GALNT2: variants seen among roughly 807,000 people sequenced by gnomAD.
GALNT2 encodes polypeptide N-acetylgalactosaminyltransferase 2, also known as UDP-GalNAc:polypeptide N-acetylgalactosaminyltransferase 2.
Under a neutral mutation model 81.4 loss-of-function variants are expected in GALNT2, and 31 were observed. The ratio of observed to expected loss-of-function variants is 0.38; its 90% CI spans 0.29 to 0.51. The LOEUF (loss-of-function observed/expected upper bound fraction) is 0.51, where lower values mean the gene tolerates loss of function less well. GALNT2 is among the 20% of genes least tolerant of loss of function. The probability of loss-of-function intolerance (pLI) is 0.87; values close to 1 mark genes in which losing one functional copy is unlikely to be tolerated. For synonymous variants in GALNT2, 303 were observed against 287.4 expected (o/e 1.05, Z -0.55); for missense variants, 629 against 765.7 (o/e 0.82, Z 2.11).
chr1:230,126,912 T>TA (rs1024865206), intron 1 of GALNT2, among the ~76,000 whole-genome samples: 2 of 152,200 alleles, frequency 1.3e-5, no homozygotes, highest in African/African-American at 4.8e-5. Context: ...GAAAAGGATT[T>TA]ATGGGGCTGA....
chr1:230,125,462 A>G (rs550046875), intron 1 of GALNT2, among the ~76,000 whole-genome samples: 2 of 152,392 alleles, frequency 1.3e-5, no homozygotes, highest in South Asian at 4.1e-4. Context: ...AGAGTGAATA[A>G]GGAGAGATGA....
At chr1:230,091,925 G>A (rs1660096236) in intron 1 of GALNT2, 1 of 152,230 alleles carries the variant, frequency 6.6e-6, no homozygotes, top group Non-Finnish European at 1.5e-5. Flanking sequence ...GCTGCTTCCT[G>A]TCGTTGCTAC....
chr1:230,182,648 G>C (rs1012453801), intron 2 of GALNT2, among the ~76,000 whole-genome samples: 1 of 152,194 alleles, frequency 6.6e-6, no homozygotes, highest in Non-Finnish European at 1.5e-5. Context: ...TTGTGGCCCA[G>C]AATGTGGCCT....
chr1:230,179,964 A>G (rs1158726508), intron 2 of GALNT2, among the ~76,000 whole-genome samples: 1 of 152,188 alleles, frequency 6.6e-6, no homozygotes, highest in African/African-American at 2.4e-5. Flanking sequence ...CTGTTGCCCA[A>G]GCTGGAGTGC....
chr1:230,101,894 G>C (rs996696105), intron 1 of GALNT2, among the ~76,000 whole-genome samples: 7 of 152,282 alleles, frequency 4.6e-5, no homozygotes, highest in South Asian at 4.1e-4. Context: ...ATTTAGTGGG[G>C]GCAGTTTCCT....
At chr1:230,078,136 T>C (rs947681826) in intron 1 of GALNT2, among the ~76,000 whole-genome samples, 19 of 152,346 alleles carry the variant, frequency 1.2e-4, no homozygotes, top group Middle Eastern at 3.4e-3. Flanking sequence ...CTTTTTCTCG[T>C]GTGTCACATT....
chr1:230,226,674 G>A (rs190319424), intron 3 of GALNT2, among the ~76,000 whole-genome samples: 251 of 152,278 alleles, frequency 1.6e-3, no homozygotes, highest in Admixed American at 5.5e-3. Context: ...CAGGGGCCTC[G>A]CCACTCTCTC....
intron 2 of GALNT2, among the ~76,000 whole-genome samples, chr1:230,182,045 G>C (rs1270966348): frequency 2.0e-5 from 3 of 152,098 alleles, no homozygotes; most frequent in Non-Finnish European, 2.9e-5. Context: ...ATACTATTCC[G>C]TATTGTCCTT....
chr1:230,219,313 A>C (rs1350480993), intron 3 of GALNT2, among the ~76,000 whole-genome samples: 1 of 152,060 alleles, frequency 6.6e-6, no homozygotes, highest in Non-Finnish European at 1.5e-5. Flanking sequence ...TGAAGTTGGA[A>C]AATTCCCCGT....
intron 6 of GALNT2, among the ~76,000 whole-genome samples, chr1:230,238,569 G>A (rs1310751706): frequency 6.6e-6 from 1 of 152,156 alleles, no homozygotes; most frequent in African/African-American, 2.4e-5. Context: ...ACAATAGTAG[G>A]ACCAAAACCA....
chr1:230,170,465 CTT>C (rs1489538281), intron 1 of GALNT2, among the ~76,000 whole-genome samples: 7 of 152,180 alleles, frequency 4.6e-5, no homozygotes, highest in Admixed American at 1.3e-4. Context: ...AAACTGATCT[CTT>C]TTATAAATGC....
chr1:230,114,471 T>A (rs180890969), intron 1 of GALNT2, among the ~76,000 whole-genome samples: 1 of 152,352 alleles, frequency 6.6e-6, no homozygotes, highest in Admixed American at 6.5e-5. Flanking sequence ...GTCTGTATGT[T>A]GGAAAGATAT....
chr1:230,125,828 T>C (rs1289567595), intron 1 of GALNT2, among the ~76,000 whole-genome samples: 1 of 152,276 alleles, frequency 6.6e-6, no homozygotes, highest in Non-Finnish European at 1.5e-5. Context: ...ATGCCTCATG[T>C]CATCATTTCT....
intron 1 of GALNT2, among the ~76,000 whole-genome samples, chr1:230,169,022 A>C (rs1243798202): frequency 6.6e-6 from 1 of 152,034 alleles, no homozygotes; most frequent in Non-Finnish European, 1.5e-5. Context: ...TTGGTCAGGG[A>C]TTTTTTAGAA....
intron 6 of GALNT2, 103 bp downstream of exon 6, chr1:230,236,828 T>C (rs1665048452): frequency 8.5e-7 from 1 of 1,170,492 alleles, no homozygotes; most frequent in Non-Finnish European, 1.2e-6. Context: ...TTGTCTAGCT[T>C]TTTTCTGTCT....
intron 1 of GALNT2, among the ~76,000 whole-genome samples, chr1:230,110,195 T>G (rs1477438952): frequency 6.6e-6 from 1 of 152,226 alleles, no homozygotes; most frequent in Non-Finnish European, 1.5e-5. Flanking sequence ...ATAGCTCATT[T>G]AAATATACTA....
chr1:230,270,910 G>T (rs1666145282), intron 14 of GALNT2, among the ~76,000 whole-genome samples: 1 of 152,228 alleles, frequency 6.6e-6, no homozygotes, highest in African/African-American at 2.4e-5. Flanking sequence ...TAGCTCTGTT[G>T]TTTGCCCAGC....
chr1:230,154,100 T>C (rs555127304), intron 1 of GALNT2, among the ~76,000 whole-genome samples: 3 of 149,536 alleles, frequency 2.0e-5, no homozygotes, highest in African/African-American at 7.2e-5. Context: ...GCATAATCAG[T>C]GTCTGGTGAG....
intron 6 of GALNT2, among the ~76,000 whole-genome samples, chr1:230,238,876 C>T (rs116682742): frequency 0.011 from 1,620 of 152,072 alleles, 31 homozygotes; most frequent in African/African-American, 0.038. Flanking sequence ...GGAAAGTGTG[C>T]CCTTCTATTT....
Sources: gnomAD v4.1 joint callset for allele counts (sites outside exome capture counted in the v4.1 genomes callset) on GRCh38, gnomAD v4.1.1 for gene constraint, MANE v1.5 for transcripts, NCBI Gene and HGNC (gene_info 2026-07-23, HGNC 2026-07-21) for gene names.